Variants in GSAP observed in about 807,000 individuals in gnomAD.
GSAP encodes the protein gamma-secretase activating protein.
Under a neutral mutation model 131.7 loss-of-function variants are expected in GSAP, and 118 were observed. The observed-to-expected ratio is 0.90, with a 90% CI of 0.77 to 1.04. GSAP has a LOEUF of 1.04. Ranked by LOEUF, GSAP falls within the 50% of genes least tolerant of loss-of-function variation. The probability of loss-of-function intolerance (pLI) is 0.00; values close to 1 mark genes in which losing one functional copy is unlikely to be tolerated. For synonymous variants in GSAP, 381 were observed against 363.4 expected (o/e 1.05, Z -0.55); for missense variants, 1,019 against 1,013.2 (o/e 1.01, Z -0.08).
At chr7:77,339,916 TTGTAAA>T (rs1332816394) in intron 19 of GSAP, among the ~76,000 whole-genome samples, 2 of 152,210 alleles carry the variant, frequency 1.3e-5, no homozygotes, top group African/African-American at 2.4e-5. Flanking sequence ...CATAAATCCC[TTGTAAA>T]TGTAAATTAT....
chr7:77,313,562 T>C lies in GSAP; in HGVS notation c.2210-13A>G. On this transcript the variant is annotated splice_polypyrimidine_tract_variant and intron_variant, in intron 27 of 30. Transcript: ENST00000257626. ...GTATTATCCAGATCTACAAGAAAGTTAGAGATTAGCAAATGAAACAAATAC... is the reference window on the plus strand; with the variant it reads ...GTATTATCCAGATCTACAAGAAAGTCAGAGATTAGCAAATGAAACAAATAC... The C allele has an allele frequency of 7.4e-7, 1 of 1,344,380 alleles. No individual in the cohort carries two copies. Among genetic ancestry groups the C allele is most frequent in the Non-Finnish European group, 1.1e-6 (1 of 943,500 alleles). 83.3% of individuals were successfully genotyped at this position (1,344,380 alleles called of 1,614,324 possible).
At chr7:77,367,169 G>A (rs901642807) in intron 12 of GSAP, among the ~76,000 whole-genome samples, 1 of 152,180 alleles carries the variant, frequency 6.6e-6, no homozygotes, top group African/African-American at 2.4e-5. Flanking sequence ...TATGCAAACA[G>A]GGATAGCCTG....
chr7:77,375,275 T>C (rs1313211146), intron 10 of GSAP, among the ~76,000 whole-genome samples, 174 bp from the exon 11 acceptor site: 2 of 152,366 alleles, frequency 1.3e-5, no homozygotes, highest in South Asian at 4.1e-4. Context: ...AGAAAGTCCA[T>C]TGAAAATACT....
At chr7:77,329,298 A>G in intron 21 of GSAP, 35 bp downstream of exon 21, 2 of 1,207,334 alleles carry the variant, frequency 1.7e-6, no homozygotes, top group Non-Finnish European at 2.3e-6. Context: ...AATGTCAACC[A>G]TCTTACAGAT....
intron 6 of GSAP, among the ~76,000 whole-genome samples, chr7:77,383,517 A>G (rs1798085642): frequency 6.6e-6 from 1 of 152,208 alleles, no homozygotes; most frequent in Non-Finnish European, 1.5e-5. Context: ...GAGAATTTAC[A>G]AGTCTGAAAG....
chr7:77,415,885 C>G, intron 1 of GSAP: 1 of 265,202 alleles, frequency 3.8e-6, no homozygotes, highest in Non-Finnish European at 7.2e-6. Flanking sequence ...GAGCTGAGCA[C>G]GACCCTCTGC....
intron 19 of GSAP, among the ~76,000 whole-genome samples, chr7:77,333,376 C>G (rs1294691030): frequency 6.6e-6 from 1 of 152,098 alleles, no homozygotes; most frequent in Non-Finnish European, 1.5e-5. Context: ...GTCAACAGTA[C>G]TTCATTCTCT....
At position 77,313,480 on chromosome 7, in the gene GSAP, A is replaced by G. The variant is rs746651023; in HGVS notation, c.2271+8T>C. Reference sequence around the variant, plus strand: ...TTAGGGAGAAAATAAAATGTAACTCAGTATTACCGGAGGAAGCCGCACAAT... The same window carrying G: ...TTAGGGAGAAAATAAAATGTAACTCGGTATTACCGGAGGAAGCCGCACAAT... On this transcript the variant is annotated splice_region_variant and intron_variant, in intron 28 of 30. Transcript: ENST00000257626. 4.1e-6 allele frequency: 6 copies of G among 1,464,330 alleles called. No individual in the cohort carries two copies. In the South Asian group the frequency reaches 4.6e-5, roughly 11 times the overall value. The allele number at this position is 1,464,330 out of a possible 1,614,324, so 90.7% of individuals were successfully genotyped here.
At chr7:77,350,808 T>G (rs1792750949) in intron 18 of GSAP, among the ~76,000 whole-genome samples, 1 of 152,202 alleles carries the variant, frequency 6.6e-6, no homozygotes, top group Non-Finnish European at 1.5e-5. Context: ...ACAATTCATT[T>G]CAAGAAGGGC....
At chr7:77,382,801 AAAGC>A (rs1177894240) in intron 6 of GSAP, among the ~76,000 whole-genome samples, 158 bp from the exon 7 acceptor site, 2 of 152,236 alleles carry the variant, frequency 1.3e-5, no homozygotes, top group Non-Finnish European at 2.9e-5. Flanking sequence ...ATTGCAGGTC[AAAGC>A]AAGCAAGAAA....
intron 13 of GSAP, among the ~76,000 whole-genome samples, chr7:77,362,377 C>T (rs1372294643): frequency 6.6e-6 from 1 of 152,114 alleles, no homozygotes; most frequent in African/African-American, 2.4e-5. Context: ...GTCCCAGCTA[C>T]TTGGTGGGCT....
chr7:77,355,484 CCAAA>C, intron 15 of GSAP, 54 bp from the exon 16 acceptor site: 1 of 1,516,820 alleles, frequency 6.6e-7, no homozygotes, highest in Non-Finnish European at 9.1e-7. Flanking sequence ...CTCCTTTCAC[CCAAA>C]CATAGATATT....
rs1458085786 is a variant in GSAP, at chr7:77,338,661, G to A, written c.1546-8294C>T. Among the ~76,000 whole-genome samples the A allele has an allele frequency of 2.0e-5, 3 of 152,256 alleles. No homozygotes were observed. In the East Asian group the frequency reaches 5.8e-4, roughly 29 times the overall value. Reference sequence around the variant, plus strand: ...GGCGGGAGGGCAAGTTGGCTCTGTGGGGTCTCTTCTATGAGGGCACTAATT... The same window carrying A: ...GGCGGGAGGGCAAGTTGGCTCTGTGAGGTCTCTTCTATGAGGGCACTAATT... On this transcript the variant is annotated intron_variant, in intron 19 of 30. Coordinates refer to ENST00000257626, the MANE Select transcript of GSAP (RefSeq NM_017439.4).
chr7:77,324,314 T>C (rs1788034487), intron 23 of GSAP, among the ~76,000 whole-genome samples: 1 of 152,220 alleles, frequency 6.6e-6, no homozygotes, highest in South Asian at 2.1e-4. Context: ...TATACTCGCT[T>C]TGTTTGATCA....
In GSAP at chr7:77,338,878, A is replaced by G. The variant is rs867543746; in HGVS notation, c.1546-8511T>C. The stretch of plus-strand genomic sequence containing the variant: ...TTATACTAAAAGGAAGTGCTTCAGA[A>G]TGCAGACAGAACAGGAGGAAGGTAC... On this transcript the variant is annotated intron_variant, in intron 19 of 30. Coordinates refer to ENST00000257626, the MANE Select transcript of GSAP (RefSeq NM_017439.4). Among the ~76,000 whole-genome samples the G allele has an allele frequency of 2.6e-5, 4 of 152,352 alleles. No individual in the cohort carries two copies. The South Asian group carries it at 8.3e-4, about 32-fold the overall frequency.
intron 23 of GSAP, among the ~76,000 whole-genome samples, chr7:77,324,995 T>C (rs920603514): frequency 1.2e-4 from 18 of 152,088 alleles, no homozygotes; most frequent in African/African-American, 3.6e-4. Context: ...TTTGTATTTT[T>C]AGTAGAGACG....
At chr7:77,346,872 A>T (rs1562990837) in intron 19 of GSAP, among the ~76,000 whole-genome samples, 3 of 147,086 alleles carry the variant, frequency 2.0e-5, no homozygotes, top group Non-Finnish European at 4.5e-5. Flanking sequence ...GTCTCGGGAA[A>T]CTCTCTCTCC....
intron 18 of GSAP, 78 bp downstream of exon 18, chr7:77,352,866 A>G (rs1375927857): frequency 1.1e-5 from 9 of 817,066 alleles, no homozygotes; most frequent in South Asian, 1.5e-5. Flanking sequence ...CTTGATGGCT[A>G]TAAGAGAGGT....
chr7:77,387,465 G>A lies in GSAP; in HGVS notation c.368-17C>T. 3 of 1,386,804 alleles carry A rather than the reference G, an allele frequency of 2.2e-6. No individual in the cohort carries two copies. Among genetic ancestry groups the A allele is most frequent in the Non-Finnish European group, 2.1e-6 (2 of 975,164 alleles). 85.9% of individuals were successfully genotyped at this position (1,386,804 alleles called of 1,614,324 possible). A position where few individuals can be genotyped will look rare whatever the true frequency, so the allele number is the denominator to read the frequency against. On this transcript the variant is annotated splice_polypyrimidine_tract_variant and intron_variant, in intron 5 of 30. Transcript: ENST00000257626. ...ACTTTGATCCTACAGAGAAAAGAAGGCTTTTAGTAACGAAGATTGTAATAT... is the reference window on the plus strand; with the variant it reads ...ACTTTGATCCTACAGAGAAAAGAAGACTTTTAGTAACGAAGATTGTAATAT...
Sources: allele counts gnomAD v4.1 joint callset (sites outside exome capture counted in the v4.1 genomes callset), GRCh38; gene constraint gnomAD v4.1.1; transcripts MANE v1.5; gene names NCBI Gene and HGNC (gene_info 2026-07-23, HGNC 2026-07-21).